Variants in SLC35D4 observed in about 807,000 individuals in gnomAD.
The protein encoded by SLC35D4 is solute carrier family 35 member D4.
chr18:23,350,876 G>A, the SLC35D4 span, among the ~76,000 whole-genome samples: 6 of 152,102 alleles, frequency 3.9e-5, no homozygotes, highest in Admixed American at 1.3e-4. Flanking sequence ...CCACAGATTC[G>A]TTCTGTTCCT....
the SLC35D4 span, among the ~76,000 whole-genome samples, chr18:23,394,093 A>G: frequency 6.6e-6 from 1 of 152,226 alleles, no homozygotes; most frequent in Non-Finnish European, 1.5e-5. Context: ...CTGCTGAATC[A>G]TATAATAATC....
the SLC35D4 span, among the ~76,000 whole-genome samples, chr18:23,261,179 T>A: frequency 6.6e-6 from 1 of 152,206 alleles, no homozygotes; most frequent in Non-Finnish European, 1.5e-5. Context: ...ATACACCTAG[T>A]ACGGCTAGGT....
chr18:23,246,576 A>G, the SLC35D4 span, among the ~76,000 whole-genome samples: 4 of 151,742 alleles, frequency 2.6e-5, no homozygotes, highest in Admixed American at 6.6e-5. Flanking sequence ...TGTTTTTAGT[A>G]GAGATGGGGT....
the SLC35D4 span, among the ~76,000 whole-genome samples, chr18:23,304,653 A>G: frequency 2.0e-5 from 3 of 152,176 alleles, no homozygotes; most frequent in South Asian, 4.1e-4. Context: ...TGGGATGTCA[A>G]CCTGCCTACC....
the SLC35D4 span, among the ~76,000 whole-genome samples, chr18:23,286,583 A>C: frequency 6.6e-6 from 1 of 151,848 alleles, no homozygotes; most frequent in African/African-American, 2.4e-5. Context: ...GCCGAGCTTC[A>C]GGTAACTCTC....
chr18:23,426,566 C>A, the SLC35D4 span, among the ~76,000 whole-genome samples: 1 of 152,158 alleles, frequency 6.6e-6, no homozygotes, highest in Admixed American at 6.5e-5. Flanking sequence ...TAGGAAGAAT[C>A]AATGTCGTGA....
At chr18:23,327,638 C>A in the SLC35D4 span, among the ~76,000 whole-genome samples, 1 of 152,106 alleles carries the variant, frequency 6.6e-6, no homozygotes, top group South Asian at 2.1e-4. Context: ...GGAGCTGGTA[C>A]CATTCCTTCT....
chr18:23,428,376 G>C, the SLC35D4 span, among the ~76,000 whole-genome samples: 1 of 152,072 alleles, frequency 6.6e-6, no homozygotes, highest in African/African-American at 2.4e-5. Context: ...TCAGCAAAGA[G>C]AATCACAGTT....
At chr18:23,310,431 A>AC in the SLC35D4 span, among the ~76,000 whole-genome samples, 3 of 151,916 alleles carry the variant, frequency 2.0e-5, no homozygotes, top group African/African-American at 7.3e-5. Flanking sequence ...AGTGCCTCGA[A>AC]CCCCCCAGCA....
the SLC35D4 span, among the ~76,000 whole-genome samples, chr18:23,353,075 C>CTGTGTGTGTGTG: frequency 3.1e-5 from 2 of 65,060 alleles, no homozygotes; most frequent in East Asian, 7.2e-4. Flanking sequence ...GTGAGACAGA[C>CTGTGTGTGTGTG]AGTGTGTGTG....
chr18:23,337,670 A>G, the SLC35D4 span, among the ~76,000 whole-genome samples: 2 of 152,210 alleles, frequency 1.3e-5, no homozygotes, highest in East Asian at 1.9e-4. Flanking sequence ...AGTTCATCGT[A>G]TATTTCAAAC....
At chr18:23,317,834 G>A in the SLC35D4 span, among the ~76,000 whole-genome samples, 1 of 151,880 alleles carries the variant, frequency 6.6e-6, no homozygotes, top group Non-Finnish European at 1.5e-5. Context: ...CCGCCTCCAC[G>A]GTTCAAGCGA....
chr18:23,391,494 T>C, the SLC35D4 span, among the ~76,000 whole-genome samples: 2 of 152,214 alleles, frequency 1.3e-5, no homozygotes, highest in African/African-American at 2.4e-5. Flanking sequence ...TCAGGAAAAC[T>C]TCAATTAGTT....
the SLC35D4 span, among the ~76,000 whole-genome samples, chr18:23,261,261 C>G: frequency 2.0e-4 from 31 of 152,142 alleles, no homozygotes; most frequent in Non-Finnish European, 4.0e-4. Context: ...CCCAGGAGTT[C>G]AAGGCTGCAG....
the SLC35D4 span, chr18:23,376,863 CTT>C: frequency 1.1e-5 from 5 of 456,752 alleles, no homozygotes; most frequent in Admixed American, 1.2e-4. Context: ...TACCGCCTCT[CTT>C]TGACACCTGC....
chr18:23,437,946 G>GCGGCAC, the SLC35D4 span: 1 of 1,409,398 alleles, frequency 7.1e-7, no homozygotes, highest in Non-Finnish European at 9.8e-7. Context: ...GGCAGCGGCA[G>GCGGCAC]CAGCCGCCCA....
the SLC35D4 span, among the ~76,000 whole-genome samples, chr18:23,290,033 A>G: frequency 6.6e-6 from 1 of 152,198 alleles, no homozygotes; most frequent in Non-Finnish European, 1.5e-5. Context: ...GTCTCTTCAC[A>G]TGGACGCGCA....
At chr18:23,313,618 C>T in the SLC35D4 span, among the ~76,000 whole-genome samples, 1 of 152,196 alleles carries the variant, frequency 6.6e-6, no homozygotes, top group African/African-American at 2.4e-5. Context: ...TTGCCACCTC[C>T]CCATCATTTG....
chr18:23,389,982 G>A, the SLC35D4 span, among the ~76,000 whole-genome samples: 1 of 152,176 alleles, frequency 6.6e-6, no homozygotes, highest in East Asian at 1.9e-4. Flanking sequence ...AAGGAGTCAA[G>A]TTCAGCAGGA....
Sources: allele counts gnomAD v4.1 joint callset (sites outside exome capture counted in the v4.1 genomes callset), GRCh38; gene constraint gnomAD v4.1.1; transcripts MANE v1.5; gene names NCBI Gene and HGNC (gene_info 2026-07-23, HGNC 2026-07-21).